Variants in TMEM163 observed in about 807,000 individuals in gnomAD.
The protein encoded by TMEM163 is transmembrane protein 163.
TMEM163 carries 17 observed loss-of-function variants against 29.3 expected under a neutral mutation model. That is an observed-to-expected ratio of 0.58 (90% CI 0.40 to 0.87). The LOEUF is 0.87. Among genes scored for constraint, TMEM163 ranks in the 40% least tolerant of loss-of-function variants. The probability of loss-of-function intolerance (pLI) is 0.00; values close to 1 mark genes in which losing one functional copy is unlikely to be tolerated. For missense variants in TMEM163, 303 were observed against 381.5 expected (o/e 0.79, Z 1.71); for synonymous variants, 157 against 160.6 (o/e 0.98, Z 0.17).
At chr2:134,627,005 T>G (rs1679788144) in intron 2 of TMEM163, among the ~76,000 whole-genome samples, 1 of 152,228 alleles carries the variant, frequency 6.6e-6, no homozygotes, top group Non-Finnish European at 1.5e-5. Context: ...AGAGCCCATT[T>G]CACGCCACTC....
At chr2:134,567,908 A>G (rs1244563229) in intron 2 of TMEM163, among the ~76,000 whole-genome samples, 1 of 152,194 alleles carries the variant, frequency 6.6e-6, no homozygotes, top group African/African-American at 2.4e-5. Context: ...CACATTCTGC[A>G]GTGGCTAAAA....
chr2:134,519,454 G>A (rs763581422), intron 4 of TMEM163, among the ~76,000 whole-genome samples: 13 of 152,194 alleles, frequency 8.5e-5, no homozygotes, highest in Non-Finnish European at 1.5e-4. Flanking sequence ...GCTCACGCCT[G>A]TAATCCCAGC....
intron 2 of TMEM163, among the ~76,000 whole-genome samples, chr2:134,620,418 G>T (rs1682705084): frequency 6.6e-6 from 1 of 152,078 alleles, no homozygotes; most frequent in South Asian, 2.1e-4. Flanking sequence ...CATGACCCCG[G>T]CTAATTTTGT....
intron 1 of TMEM163, chr2:134,713,709 C>T: frequency 2.2e-6 from 1 of 460,152 alleles, no homozygotes; most frequent in Non-Finnish European, 4.4e-6. Flanking sequence ...CACAAACCAC[C>T]CACATTCAGC....
intron 2 of TMEM163, among the ~76,000 whole-genome samples, chr2:134,633,748 G>A (rs1683030503): frequency 6.6e-6 from 1 of 151,876 alleles, no homozygotes; most frequent in Non-Finnish European, 1.5e-5. Context: ...GATCACTTGA[G>A]GTCAGGAGTT....
chr2:134,509,684 A>C (rs1679906081), intron 4 of TMEM163, among the ~76,000 whole-genome samples: 2 of 152,260 alleles, frequency 1.3e-5, no homozygotes, highest in Admixed American at 6.5e-5. Context: ...AGAGAGCACG[A>C]ATCTAGGATA....
intron 2 of TMEM163, among the ~76,000 whole-genome samples, chr2:134,615,020 G>T (rs1267346880): frequency 6.6e-6 from 1 of 151,968 alleles, no homozygotes; most frequent in East Asian, 1.9e-4. Flanking sequence ...CTAATTAGAA[G>T]ATGAGCAAAA....
At chr2:134,530,842 T>C (rs1159593488) in intron 4 of TMEM163, among the ~76,000 whole-genome samples, 1 of 152,162 alleles carries the variant, frequency 6.6e-6, no homozygotes, top group Non-Finnish European at 1.5e-5. Context: ...CACAATAAAA[T>C]TCCTCAACAC....
intron 5 of TMEM163, among the ~76,000 whole-genome samples, chr2:134,483,600 C>T (rs981280965): frequency 6.6e-6 from 1 of 151,992 alleles, no homozygotes; most frequent in Non-Finnish European, 1.5e-5. Flanking sequence ...GTCACAAGAC[C>T]CCTGCGAGGT....
intron 4 of TMEM163, among the ~76,000 whole-genome samples, chr2:134,547,922 T>C (rs78378676): frequency 0.035 from 5,260 of 152,304 alleles, 322 homozygotes; most frequent in African/African-American, 0.12. Context: ...CTAACAAATG[T>C]TCACACAGAT....
chr2:134,535,868 G>A (rs1336379981), intron 4 of TMEM163, among the ~76,000 whole-genome samples: 1 of 152,014 alleles, frequency 6.6e-6, no homozygotes, highest in East Asian at 1.9e-4. Flanking sequence ...GACTACAGAT[G>A]TGCACCACGA....
At chr2:134,627,674 C>T (rs894105991) in intron 2 of TMEM163, among the ~76,000 whole-genome samples, 40 of 152,074 alleles carry the variant, frequency 2.6e-4, no homozygotes, top group African/African-American at 9.4e-4. Flanking sequence ...TGTATGGATA[C>T]GCAACAGAGA....
At position 134,629,246 on chromosome 2, in the gene TMEM163, G is replaced by A. The variant is rs1054461942; in HGVS notation, c.323-77155C>T. On this transcript the variant is annotated intron_variant, in intron 2 of 7. Transcript: ENST00000281924. ...TGAAACCAGACTGTCTTGTCTCAGC[G>A]CCAGCACTCTTAAGCAATGCACTAT... Among the ~76,000 whole-genome samples the A allele has an allele frequency of 1.2e-4, 19 of 152,122 alleles. 1 individual carries two copies. Among genetic ancestry groups the A allele is most frequent in the Admixed American group, 3.9e-4 (6 of 15,264 alleles).
chr2:134,707,555 G>A (rs1474761578), intron 2 of TMEM163, among the ~76,000 whole-genome samples: 5 of 152,160 alleles, frequency 3.3e-5, no homozygotes, highest in Admixed American at 2.0e-4. Context: ...TCAGCTGCAC[G>A]GTTAAGGCTT....
intron 2 of TMEM163, among the ~76,000 whole-genome samples, chr2:134,625,898 G>T (rs368619280): frequency 6.6e-6 from 1 of 152,140 alleles, no homozygotes; most frequent in Non-Finnish European, 1.5e-5. Flanking sequence ...CGCTTACAGC[G>T]TGTAAGCTAG....
intron 2 of TMEM163, among the ~76,000 whole-genome samples, chr2:134,572,679 G>A (rs755140722): frequency 3.3e-5 from 5 of 152,136 alleles, no homozygotes; most frequent in African/African-American, 4.8e-5. Context: ...GATGTCACGT[G>A]CCCTTCCTGC....
chr2:134,681,820 C>A (rs1684255198), intron 2 of TMEM163, among the ~76,000 whole-genome samples: 1 of 152,144 alleles, frequency 6.6e-6, no homozygotes, highest in African/African-American at 2.4e-5. Flanking sequence ...GCCTGATGCC[C>A]ACCTACTGCC....
intron 6 of TMEM163, among the ~76,000 whole-genome samples, chr2:134,464,856 C>T (rs16830676): frequency 0.084 from 12,717 of 152,152 alleles, 693 homozygotes; most frequent in Admixed American, 0.17. Flanking sequence ...TTTGGCTTCC[C>T]ATGTCCCTGC....
At chr2:134,696,951 T>C in intron 2 of TMEM163, among the ~76,000 whole-genome samples, 1 of 152,136 alleles carries the variant, frequency 6.6e-6, no homozygotes, top group South Asian at 2.1e-4. Context: ...AATTTTTGTA[T>C]TTTTAGTAGA....
Sources: gnomAD v4.1 joint callset for allele counts (sites outside exome capture counted in the v4.1 genomes callset) on GRCh38, gnomAD v4.1.1 for gene constraint, MANE v1.5 for transcripts, NCBI Gene and HGNC (gene_info 2026-07-23, HGNC 2026-07-21) for gene names.